CYFIP2: variants seen among roughly 807,000 people sequenced by gnomAD.
CYFIP2 encodes the protein cytoplasmic FMR1-interacting protein 2.
In CYFIP2, 29 loss-of-function variants were observed where a neutral mutation model predicts 158.7. The observed-to-expected ratio is 0.18, with a 90% CI of 0.14 to 0.25. The LOEUF (loss-of-function observed/expected upper bound fraction) is 0.25, where lower values mean the gene tolerates loss of function less well. Among genes scored for constraint, CYFIP2 ranks in the 10% least tolerant of loss-of-function variants. The probability of loss-of-function intolerance (pLI) is 1.00; values close to 1 mark genes in which losing one functional copy is unlikely to be tolerated. For synonymous variants in CYFIP2, 585 were observed against 617.6 expected (o/e 0.95, Z 0.78); for missense variants, 852 against 1,639.5 (o/e 0.52, Z 8.29).
intron 26 of CYFIP2, chr5:157,363,203 T>C (rs1764002569): frequency 6.6e-6 from 1 of 152,260 alleles, no homozygotes; most frequent in South Asian, 2.1e-4. Context: ...GTCGGCCCAG[T>C]CCTACAGGTG....
chr5:157,291,417 A>C (rs1219678332), intron 3 of CYFIP2, among the ~76,000 whole-genome samples: 1 of 152,260 alleles, frequency 6.6e-6, no homozygotes, highest in African/African-American at 2.4e-5. Flanking sequence ...GATCTGGCTG[A>C]TGGCCAAACT....
intron 23 of CYFIP2, among the ~76,000 whole-genome samples, chr5:157,353,615 G>A (rs938178812): frequency 6.6e-6 from 1 of 152,192 alleles, no homozygotes; most frequent in African/African-American, 2.4e-5. Context: ...CCTTGGCACT[G>A]TCTTGCTCTG....
At chr5:157,363,003 G>A (rs934299246) in intron 26 of CYFIP2, 2 of 152,194 alleles carry the variant, frequency 1.3e-5, no homozygotes, top group African/African-American at 4.8e-5. Context: ...CTAAACCATT[G>A]GTAGTGTTGT....
chr5:157,311,207 C>A lies in CYFIP2; in HGVS notation c.993-457C>A. ...CCAGGGCACTGTTGGAAAAGAGGCACAGTCACATTCATATTTCCGCAATCC... is the reference window on the plus strand; with the variant it reads ...CCAGGGCACTGTTGGAAAAGAGGCAAAGTCACATTCATATTTCCGCAATCC... On this transcript the variant is annotated intron_variant, in intron 10 of 30. Transcript: ENST00000620254. The surrounding 1 kb of genome is among the most constrained non-coding windows in gnomAD (Gnocchi z 4.7). 1 of 405,982 alleles carries A rather than the reference C, an allele frequency of 2.5e-6. No individual in the cohort carries two copies. 25.1% of individuals were successfully genotyped at this position (405,982 alleles called of 1,614,324 possible).
At chr5:157,358,420 C>T (rs1322388211) in intron 23 of CYFIP2, among the ~76,000 whole-genome samples, 1 of 152,214 alleles carries the variant, frequency 6.6e-6, no homozygotes, top group African/African-American at 2.4e-5. Context: ...AAACCACTGA[C>T]TTAATCCAAC....
intron 27 of CYFIP2, 115 bp from the exon 28 acceptor site, chr5:157,383,150 A>C: frequency 1.2e-6 from 1 of 851,534 alleles, no homozygotes; most frequent in Admixed American, 2.1e-5. Flanking sequence ...AGTTCCACAC[A>C]CTCCATCCCA....
At chr5:157,331,022 C>T (rs1474677916) in intron 20 of CYFIP2, among the ~76,000 whole-genome samples, 172 bp downstream of exon 20, 1 of 152,146 alleles carries the variant, frequency 6.6e-6, no homozygotes, top group East Asian at 1.9e-4. Flanking sequence ...AATAAAGAGG[C>T]ATTGGGCTTC....
At chr5:157,337,939 C>A (rs971545546) in intron 21 of CYFIP2, among the ~76,000 whole-genome samples, 11 of 152,290 alleles carry the variant, frequency 7.2e-5, no homozygotes, top group African/African-American at 2.4e-4. Flanking sequence ...CTTATGGTGA[C>A]CTTGGGCAAG....
chr5:157,335,696 CTG>C (rs1401996117), intron 21 of CYFIP2, among the ~76,000 whole-genome samples: 1 of 152,164 alleles, frequency 6.6e-6, no homozygotes, highest in Non-Finnish European at 1.5e-5. Flanking sequence ...CTCCAGGAGA[CTG>C]TAGTACAGCA....
Position 157,367,534 on chromosome 5 carries a change from A to G in CYFIP2, c.3039+5936A>G, listed in dbSNP as rs1056810058. On this transcript the variant is annotated intron_variant, in intron 26 of 30. Transcript: ENST00000620254. ...CAAAGATCCTTAAGGTTAGCGTATT[A>G]CAGTACAGACAGATGCCCAGCTGAG... Among the ~76,000 whole-genome samples the G allele has an allele frequency of 2.0e-5, 3 of 152,198 alleles. No individual in the cohort carries two copies. The East Asian group carries it at 5.8e-4, about 29-fold the overall frequency.
At chr5:157,372,313 T>A (rs1370728272) in intron 26 of CYFIP2, among the ~76,000 whole-genome samples, 1 of 151,868 alleles carries the variant, frequency 6.6e-6, no homozygotes. Flanking sequence ...AAGGCTGAAG[T>A]GACTCAATGT....
chr5:157,309,208 G>C (rs1759498299), intron 9 of CYFIP2, among the ~76,000 whole-genome samples: 1 of 152,320 alleles, frequency 6.6e-6, no homozygotes, highest in African/African-American at 2.4e-5. Context: ...ATAGTACCTA[G>C]TGCATGAGAA....
chr5:157,368,280 T>C (rs1764618153), intron 26 of CYFIP2, among the ~76,000 whole-genome samples: 1 of 152,222 alleles, frequency 6.6e-6, no homozygotes, highest in Admixed American at 6.5e-5. Context: ...TATTACTTTT[T>C]TCCTTAAAAG....
Position 157,392,850 on chromosome 5 carries a change from C to T in CYFIP2, c.3612C>T (p.Ala1204=), listed in dbSNP as rs778276056. The change falls in exon 31 of 31, where the codon GCC becomes GCT. Residue 1204 remains alanine (A), a synonymous_variant. Coordinates refer to ENST00000620254, the MANE Select transcript of CYFIP2 (RefSeq NM_001037333.3). ...IIKNVPLKKM[A]DRIRKYQILN... ...TTCTGTAGCCCCTGAAGAAGATGGCCGACCGGATCAGGAAGTATCAGATCT... is the reference window on the plus strand; with the variant it reads ...TTCTGTAGCCCCTGAAGAAGATGGCTGACCGGATCAGGAAGTATCAGATCT... The T allele has an allele frequency of 9.9e-6, 16 of 1,613,776 alleles. No homozygotes were observed. Among genetic ancestry groups the T allele is most frequent in the South Asian group, 7.7e-5 (7 of 91,066 alleles).
intron 3 of CYFIP2, among the ~76,000 whole-genome samples, chr5:157,292,479 A>C (rs1211186070): frequency 6.6e-6 from 1 of 152,164 alleles, no homozygotes; most frequent in Non-Finnish European, 1.5e-5. Context: ...TCGGCCTCCC[A>C]AAGTGCTGGG....
In CYFIP2 at chr5:157,304,330, G is replaced by A; in HGVS notation, c.759G>A (p.Met253Ile). ...NICVDYYENK[M>I]YLTPSEKHML... Reference sequence around the variant, plus strand: ...GTGTGGATTACTACGAGAACAAGATGTACCTGACTCCCAGTGAGAAACATA... The same window carrying A: ...GTGTGGATTACTACGAGAACAAGATATACCTGACTCCCAGTGAGAAACATA... Residue 253 changes from methionine to isoleucine, a missense_variant, in exon 8 of 31, where the codon ATG becomes ATA. By Grantham distance (10) the Met-to-Ile change is conservative. Coordinates refer to ENST00000620254, the MANE Select transcript of CYFIP2 (RefSeq NM_001037333.3). 1 of 1,613,950 alleles carries A rather than the reference G, an allele frequency of 6.2e-7. No individual in the cohort carries two copies. The highest frequency in any genetic ancestry group is 8.5e-7 in the Non-Finnish European group (1 of 1,179,874).
chr5:157,359,694 T>G (rs1763669312), intron 24 of CYFIP2, among the ~76,000 whole-genome samples: 1 of 152,248 alleles, frequency 6.6e-6, no homozygotes, highest in African/African-American at 2.4e-5. Flanking sequence ...TCATTTAATT[T>G]CCTGCAACAC....
At chr5:157,352,901 G>C (rs1272600035) in intron 23 of CYFIP2, among the ~76,000 whole-genome samples, 1 of 152,156 alleles carries the variant, frequency 6.6e-6, no homozygotes, top group Non-Finnish European at 1.5e-5. Context: ...AGAGGAGAAG[G>C]CCATACGAAG....
At chr5:157,340,951 C>CAGTG in intron 22 of CYFIP2, 119 bp from the exon 23 acceptor site, 4 of 838,530 alleles carry the variant, frequency 4.8e-6, no homozygotes, top group Non-Finnish European at 8.0e-6. Context: ...ACCTAACAAA[C>CAGTG]AGTGCACTTG....
Sources: allele counts gnomAD v4.1 joint callset (sites outside exome capture counted in the v4.1 genomes callset), GRCh38; gene constraint gnomAD v4.1.1; non-coding constraint Gnocchi (gnomAD v3.1); transcripts MANE v1.5; gene names NCBI Gene and HGNC (gene_info 2026-07-23, HGNC 2026-07-21).